Variants in ANXA10 observed in about 807,000 individuals in gnomAD.
The protein encoded by ANXA10 is annexin 14.
ANXA10 carries 49 observed loss-of-function variants against 53.5 expected under a neutral mutation model. The observed-to-expected ratio is 0.92, with a 90% CI of 0.73 to 1.16. ANXA10 has a LOEUF of 1.16. Ranked by LOEUF, ANXA10 falls within the 50% of genes most tolerant of loss-of-function variation. ANXA10 has a pLI of 0.00. For missense variants in ANXA10, 393 were observed against 394.4 expected (o/e 1.00, Z 0.03); for synonymous variants, 131 against 128.9 (o/e 1.02, Z -0.11).
At chr4:168,101,542 T>C (rs1354759869) in intron 1 of ANXA10, among the ~76,000 whole-genome samples, 1 of 151,928 alleles carries the variant, frequency 6.6e-6, no homozygotes, top group Non-Finnish European at 1.5e-5. Context: ...TACTTACAGC[T>C]ACAAGATGCA....
In ANXA10 at chr4:168,154,623, T is replaced by C. The variant is rs114342231; in HGVS notation, c.196-7905T>C. On this transcript the variant is annotated intron_variant, in intron 3 of 11. Coordinates refer to ENST00000359299, the MANE Select transcript of ANXA10 (RefSeq NM_007193.5). The stretch of plus-strand genomic sequence containing the variant: ...CCTGTAGAGATAAAAGTATATTGAA[T>C]TGATCCATTTGCATTCAAACCTTCA... 9.8e-3 allele frequency among the ~76,000 whole-genome samples: 1,494 copies of C among 152,274 alleles called. 20 individuals carry two copies. Among genetic ancestry groups the C allele is most frequent in the African/African-American group, 0.034 (1,409 of 41,546 alleles).
chr4:168,101,729 TATG>T (rs1730642644), intron 1 of ANXA10, among the ~76,000 whole-genome samples: 1 of 152,080 alleles, frequency 6.6e-6, no homozygotes, highest in African/African-American at 2.4e-5. Context: ...GAGCAAAAAA[TATG>T]TGTGTATACT....
chr4:168,173,220 A>G (rs1420204198), intron 6 of ANXA10, among the ~76,000 whole-genome samples: 6 of 152,244 alleles, frequency 3.9e-5, no homozygotes, highest in Non-Finnish European at 8.8e-5. Context: ...GTATAGCTAG[A>G]GAAAAATGTA....
At chr4:168,096,926 A>ATATATATATATATATATATATG (rs371811709) in intron 1 of ANXA10, among the ~76,000 whole-genome samples, 547 of 129,806 alleles carry the variant, frequency 4.2e-3, no homozygotes, top group Middle Eastern at 0.012. Flanking sequence ...ATATATATAT[A>ATATATATATATATATATATATG]TATGTATGTA....
chr4:168,130,271 T>C (rs1456499804), intron 2 of ANXA10, among the ~76,000 whole-genome samples: 2 of 152,094 alleles, frequency 1.3e-5, no homozygotes, highest in African/African-American at 4.8e-5. Context: ...ATGGATGACA[T>C]AACTGATTTT....
intron 3 of ANXA10, among the ~76,000 whole-genome samples, chr4:168,158,126 C>A (rs1205612047): frequency 6.6e-6 from 1 of 152,186 alleles, no homozygotes; most frequent in East Asian, 1.9e-4. Context: ...ATTTTAGCTG[C>A]TCTAGAGAAT....
chr4:168,132,288 G>T (rs928428276), intron 2 of ANXA10, among the ~76,000 whole-genome samples: 2 of 151,994 alleles, frequency 1.3e-5, no homozygotes, highest in Non-Finnish European at 2.9e-5. Flanking sequence ...AGTACAATTC[G>T]ACCATAAAAA....
At chr4:168,127,905 G>A (rs1731097334) in intron 1 of ANXA10, 179 bp from the exon 2 acceptor site, 1 of 265,718 alleles carries the variant, frequency 3.8e-6, no homozygotes, top group Non-Finnish European at 6.9e-6. Flanking sequence ...TGTATTTTTT[G>A]TAGAGAGGGG....
intron 2 of ANXA10, 133 bp downstream of exon 2, chr4:168,128,298 ACTGAGC>A: frequency 1.9e-6 from 1 of 516,632 alleles, no homozygotes; most frequent in Non-Finnish European, 3.3e-6. Flanking sequence ...AAAAAAAAAA[ACTGAGC>A]AAAGAAGTAG....
At chr4:168,104,723 TG>T (rs1482095133) in intron 1 of ANXA10, among the ~76,000 whole-genome samples, 2 of 151,984 alleles carry the variant, frequency 1.3e-5, no homozygotes, top group African/African-American at 2.4e-5. Context: ...GTTTATAGTT[TG>T]TATCTTAGTT....
intron 1 of ANXA10, among the ~76,000 whole-genome samples, chr4:168,101,821 T>C (rs892213753): frequency 6.6e-5 from 10 of 152,156 alleles, no homozygotes; most frequent in African/African-American, 2.4e-4. Flanking sequence ...CATGTCTCCA[T>C]CTACCTTCCT....
chr4:168,153,018 A>AT (rs1461430504), intron 3 of ANXA10, among the ~76,000 whole-genome samples: 3 of 151,944 alleles, frequency 2.0e-5, no homozygotes, highest in East Asian at 1.9e-4. Flanking sequence ...AGTTTTTGGC[A>AT]TTTTTTGTGG....
chr4:168,119,315 A>G (rs1211056992), intron 1 of ANXA10, among the ~76,000 whole-genome samples: 2 of 152,192 alleles, frequency 1.3e-5, no homozygotes. Flanking sequence ...GCACATCCAC[A>G]TAATTGGAAA....
Position 168,162,541 on chromosome 4 carries a change from A to G in ANXA10, c.209A>G (p.Asp70Gly), listed in dbSNP as rs1401922649. ...TTTCCTCCACAGGACCTGATTGGGG[A>G]TATGAGGGAGCAGCTTTCGGATCAC... ...QSMYGRDLIG[D>G]MREQLSDHFK... Residue 70 changes from aspartate to glycine, a missense_variant, in exon 4 of 12, where the codon GAT (aspartate) becomes GGT (glycine). Asp to Gly is a moderately conservative substitution (Grantham distance 94). Coordinates refer to ENST00000359299, the MANE Select transcript of ANXA10 (RefSeq NM_007193.5). The G allele has an allele frequency of 1.9e-6, 3 of 1,613,590 alleles. No homozygotes were observed. The highest frequency in any genetic ancestry group is 2.5e-6 in the Non-Finnish European group (3 of 1,179,768).
chr4:168,103,309 G>A lies in ANXA10; in HGVS notation c.18+10591G>A, dbSNP rs180672296. Among the ~76,000 whole-genome samples, 20 of 151,810 alleles carry A rather than the reference G, an allele frequency of 1.3e-4. 1 individual carries two copies. In the East Asian group the frequency reaches 3.7e-3, roughly 28 times the overall value. On this transcript the variant is annotated intron_variant, in intron 1 of 11. Coordinates refer to ENST00000359299, the MANE Select transcript of ANXA10 (RefSeq NM_007193.5). ...TTTTATAGACTTACATTTCTATTAAGGTCTATGACAAATTTTGAATCAATT... is the reference window on the plus strand; with the variant it reads ...TTTTATAGACTTACATTTCTATTAAAGTCTATGACAAATTTTGAATCAATT...
chr4:168,110,444 C>CTTTT (rs70957898), intron 1 of ANXA10, among the ~76,000 whole-genome samples: 1 of 127,568 alleles, frequency 7.8e-6, no homozygotes, highest in Non-Finnish European at 1.7e-5. Flanking sequence ...TGTGTTAATT[C>CTTTT]TTTTTTTTTT....
At chr4:168,117,395 A>G (rs1178036759) in intron 1 of ANXA10, among the ~76,000 whole-genome samples, 3 of 152,184 alleles carry the variant, frequency 2.0e-5, no homozygotes, top group Non-Finnish European at 4.4e-5. Context: ...ATACATAAAT[A>G]TATGCTGTAT....
intron 3 of ANXA10, among the ~76,000 whole-genome samples, chr4:168,156,075 TATATTATATATAATATTTA>T (rs1560784273): frequency 1.4e-5 from 1 of 73,924 alleles, no homozygotes; most frequent in East Asian, 4.5e-4. Flanking sequence ...ATATATTATA[TATATTATATATAATATTTA>T]TTATATATAA....
intron 2 of ANXA10, among the ~76,000 whole-genome samples, chr4:168,128,533 A>T (rs1292167625): frequency 6.6e-6 from 1 of 152,084 alleles, no homozygotes. Context: ...TGCTATTTCC[A>T]CTTCCAGTCA....
Sources: allele counts gnomAD v4.1 joint callset (sites outside exome capture counted in the v4.1 genomes callset), GRCh38; gene constraint gnomAD v4.1.1; transcripts MANE v1.5; gene names NCBI Gene and HGNC (gene_info 2026-07-23, HGNC 2026-07-21).